Variants in SKI observed in about 807,000 individuals in gnomAD.
SKI encodes the protein ski oncogene.
Under a neutral mutation model 59.3 loss-of-function variants are expected in SKI, and 23 were observed. That is an observed-to-expected ratio of 0.39 (90% CI 0.28 to 0.55). The LOEUF (loss-of-function observed/expected upper bound fraction) is 0.55. SKI is among the 20% of genes least tolerant of loss of function. SKI has a pLI of 0.67. For missense variants in SKI, 1,017 were observed against 1,038.9 expected, an observed-to-expected ratio of 0.98 and a Z score of 0.29; for synonymous variants, 673 against 488.6, an observed-to-expected ratio of 1.38 and a Z score of -4.98.
At chr1:2,241,661 A>C (rs1048496086) in intron 1 of SKI, among the ~76,000 whole-genome samples, 1 of 152,054 alleles carries the variant, frequency 6.6e-6, no homozygotes. Context: ...CCAAAGTGCT[A>C]GGATTACAGG....
intron 1 of SKI, among the ~76,000 whole-genome samples, chr1:2,295,696 G>C (rs1361904800): frequency 6.7e-6 from 1 of 150,142 alleles, no homozygotes; most frequent in Non-Finnish European, 1.5e-5. Flanking sequence ...ACACGTGACT[G>C]TGTGTCCGGG....
intron 1 of SKI, among the ~76,000 whole-genome samples, chr1:2,295,136 C>G (rs1264524222): frequency 6.6e-6 from 1 of 152,242 alleles, no homozygotes; most frequent in South Asian, 2.1e-4. Context: ...TGACCCTGAA[C>G]AGCTGCTAAA....
Position 2,303,417 on chromosome 1 carries a change from C to T in SKI, c.1211+17C>T, listed in dbSNP as rs753878221. On this transcript the variant is annotated intron_variant, in intron 3 of 6. Transcript: ENST00000378536. The surrounding 1 kb of genome is among the most constrained non-coding windows in gnomAD (Gnocchi z 5.6). ...CCGAGACAGGTGAGTGGGCGCCATT[C>T]ACAGGTGTTTCTGATCACGGGGGAG... The T allele has an allele frequency of 8.1e-6, 13 of 1,598,142 alleles. No individual in the cohort carries two copies. The Admixed American group carries it at 1.8e-4, about 23-fold the overall frequency.
chr1:2,275,044 C>G (rs960594634), intron 1 of SKI, among the ~76,000 whole-genome samples: 1 of 152,178 alleles, frequency 6.6e-6, no homozygotes. Context: ...CAAGCTGAAG[C>G]GGCCTCACAG....
At chr1:2,231,657 A>G (rs1403470863) in intron 1 of SKI, among the ~76,000 whole-genome samples, 1 of 152,242 alleles carries the variant, frequency 6.6e-6, no homozygotes, top group Non-Finnish European at 1.5e-5. Context: ...AGCAATTCCC[A>G]GGCCATACTG....
At chr1:2,273,841 G>A (rs1639682882) in intron 1 of SKI, among the ~76,000 whole-genome samples, 1 of 152,220 alleles carries the variant, frequency 6.6e-6, no homozygotes, top group Non-Finnish European at 1.5e-5. Flanking sequence ...ACCGGGTGCG[G>A]ATGGGCCGTG....
intron 1 of SKI, among the ~76,000 whole-genome samples, chr1:2,260,391 G>A (rs1451111011): frequency 6.6e-6 from 1 of 152,066 alleles, no homozygotes; most frequent in South Asian, 2.1e-4. Context: ...AGATCTTTAC[G>A]TATTCTGGAT....
At chr1:2,279,740 G>A (rs1639831303) in intron 1 of SKI, among the ~76,000 whole-genome samples, 1 of 152,112 alleles carries the variant, frequency 6.6e-6, no homozygotes, top group Admixed American at 6.5e-5. Flanking sequence ...TTAGAGACAG[G>A]GTCTCACTCT....
intron 1 of SKI, among the ~76,000 whole-genome samples, chr1:2,297,495 G>A (rs1640312754): frequency 6.6e-6 from 1 of 152,220 alleles, no homozygotes. Flanking sequence ...GATTGTGGGC[G>A]ATCCTGCCGC....
chr1:2,272,147 T>C (rs1639637007), intron 1 of SKI, among the ~76,000 whole-genome samples: 1 of 152,204 alleles, frequency 6.6e-6, no homozygotes, highest in African/African-American at 2.4e-5. Context: ...TTGCTGTCTC[T>C]TACGTTCTCA....
intron 4 of SKI, 85 bp downstream of exon 4, chr1:2,304,187 T>C: frequency 6.3e-7 from 1 of 1,579,822 alleles, no homozygotes; most frequent in Non-Finnish European, 8.6e-7. Context: ...CGGGGGTGCG[T>C]TGGTGGCCCC....
rs529695132 is a variant in SKI at position 2,285,067 on chromosome 1, G to A, written c.970-17911G>A. On this transcript the variant is annotated intron_variant, in intron 1 of 6. Transcript: ENST00000378536. The stretch of plus-strand genomic sequence containing the variant: ...GGGTATCTGGAGGCTGGGGGCAGTC[G>A]TGGCCAGGGTCAGAGTCTGGGTTGG... Among the ~76,000 whole-genome samples the A allele has an allele frequency of 3.3e-5, 5 of 152,272 alleles. 1 individual carries two copies. The highest frequency in any genetic ancestry group is 4.1e-4 in the South Asian group (2 of 4,824).
chr1:2,286,690 T>C (rs59476564), intron 1 of SKI, among the ~76,000 whole-genome samples: 18,738 of 152,254 alleles, frequency 0.12, 1,303 homozygotes, highest in African/African-American at 0.18. Context: ...GCCACGCAGC[T>C]CTCGCTCTGA....
At chr1:2,285,055 C>T (rs1007909336) in intron 1 of SKI, among the ~76,000 whole-genome samples, 1 of 152,128 alleles carries the variant, frequency 6.6e-6, no homozygotes, top group African/African-American at 2.4e-5. Context: ...TATCTGGAGG[C>T]TGGGGGCAGT....
intron 5 of SKI, 109 bp from the exon 6 acceptor site, chr1:2,305,911 C>T: frequency 2.3e-6 from 2 of 877,076 alleles, no homozygotes; most frequent in Non-Finnish European, 3.7e-6. Context: ...GGCTCCAGGG[C>T]ACATTGTCAG....
intron 5 of SKI, among the ~76,000 whole-genome samples, chr1:2,305,004 C>T (rs746827196): frequency 6.6e-6 from 1 of 152,238 alleles, no homozygotes; most frequent in Admixed American, 6.5e-5. Flanking sequence ...TGGGTGTTCA[C>T]GCGCTCCGCC....
At position 2,288,420 on chromosome 1, in the gene SKI, C is replaced by T. The variant is rs1009428343; in HGVS notation, c.970-14558C>T. Among the ~76,000 whole-genome samples, 3 of 152,244 alleles carry T rather than the reference C, an allele frequency of 2.0e-5. No individual in the cohort carries two copies. In the East Asian group the frequency reaches 5.8e-4, roughly 29 times the overall value. ...TACAGGCATGAGCCACTGTGCCCAG[C>T]AGGGCTGTTTACTTAAAGGTACATG... On this transcript the variant is annotated intron_variant, in intron 1 of 6. Transcript: ENST00000378536.
At chr1:2,289,394 C>T (rs548254586) in intron 1 of SKI, among the ~76,000 whole-genome samples, 23 of 152,154 alleles carry the variant, frequency 1.5e-4, no homozygotes, top group East Asian at 5.8e-4. Context: ...CTGGTCACCA[C>T]GTGGCCACTT....
chr1:2,249,332 C>A (rs962664362), intron 1 of SKI, among the ~76,000 whole-genome samples: 3 of 152,212 alleles, frequency 2.0e-5, no homozygotes, highest in African/African-American at 7.2e-5. Context: ...GCCGGATGTT[C>A]CTAGCGTTGC....
Sources: gnomAD v4.1 joint callset for allele counts (sites outside exome capture counted in the v4.1 genomes callset) on GRCh38, gnomAD v4.1.1 for gene constraint, Gnocchi (gnomAD v3.1) non-coding constraint, MANE v1.5 for transcripts, NCBI Gene and HGNC (gene_info 2026-07-23, HGNC 2026-07-21) for gene names.